The following KIAA1328 variants were observed in gnomAD, a reference collection of about 807,000 sequenced individuals.
KIAA1328 encodes KIAA1328, also known as protein hinderin.
In KIAA1328, 52 loss-of-function variants were observed where a neutral mutation model predicts 68.1. The observed-to-expected ratio is 0.76, with a 90% CI of 0.61 to 0.96. The LOEUF is 0.96. Ranked by LOEUF, KIAA1328 falls within the 40% of genes least tolerant of loss-of-function variation. The pLI is 0.00. For missense variants in KIAA1328, 641 were observed against 677.6 expected (o/e 0.95, Z 0.60); for synonymous variants, 232 against 239.4 (o/e 0.97, Z 0.28).
intron 7 of KIAA1328, among the ~76,000 whole-genome samples, chr18:37,135,609 G>A (rs990051049): frequency 6.6e-6 from 1 of 152,088 alleles, no homozygotes; most frequent in Non-Finnish European, 1.5e-5. Context: ...TGTATAGTTT[G>A]TGAATATATT....
chr18:37,115,188 A>G (rs1599323334), intron 7 of KIAA1328, among the ~76,000 whole-genome samples: 1 of 152,324 alleles, frequency 6.6e-6, no homozygotes. Context: ...TCCTGATACT[A>G]AAGCCGGGCA....
chr18:37,053,131 G>C (rs1324166904), intron 6 of KIAA1328, among the ~76,000 whole-genome samples: 1 of 152,102 alleles, frequency 6.6e-6, no homozygotes, highest in African/African-American at 2.4e-5. Flanking sequence ...CATGATACTA[G>C]TACAAAAATA....
chr18:37,144,000 G>T (rs749709059), intron 7 of KIAA1328, among the ~76,000 whole-genome samples: 2 of 152,066 alleles, frequency 1.3e-5, no homozygotes, highest in Non-Finnish European at 2.9e-5. Context: ...AGGATTGGCA[G>T]TATTTCTTTC....
chr18:37,061,034 G>A (rs1347772331), intron 6 of KIAA1328, among the ~76,000 whole-genome samples: 1 of 152,172 alleles, frequency 6.6e-6, no homozygotes, highest in Non-Finnish European at 1.5e-5. Flanking sequence ...AGAACCTCTT[G>A]AACCCAGGAG....
At chr18:37,171,792 T>C (rs1404567258) in intron 8 of KIAA1328, among the ~76,000 whole-genome samples, 1 of 152,040 alleles carries the variant, frequency 6.6e-6, no homozygotes, top group African/African-American at 2.4e-5. Flanking sequence ...ATTTGTAGTC[T>C]CAAATACTCA....
chr18:37,136,949 T>C (rs972344977), intron 7 of KIAA1328, among the ~76,000 whole-genome samples: 1 of 152,234 alleles, frequency 6.6e-6, no homozygotes, highest in Admixed American at 6.5e-5. Flanking sequence ...TTATTTAGTA[T>C]AGCTTCATCA....
chr18:36,912,632 C>T (rs757369312), intron 5 of KIAA1328, among the ~76,000 whole-genome samples: 2 of 152,168 alleles, frequency 1.3e-5, no homozygotes, highest in Non-Finnish European at 2.9e-5. Context: ...TATGTCTGTT[C>T]TACATGCAAA....
chr18:37,105,048 T>C (rs2057731218), intron 7 of KIAA1328, among the ~76,000 whole-genome samples: 2 of 152,234 alleles, frequency 1.3e-5, no homozygotes, highest in Non-Finnish European at 2.9e-5. Context: ...CCTTTTCGCC[T>C]AAAGAATTGC....
At chr18:36,973,923 A>G (rs1372298235) in intron 6 of KIAA1328, among the ~76,000 whole-genome samples, 2 of 152,132 alleles carry the variant, frequency 1.3e-5, no homozygotes, top group Non-Finnish European at 2.9e-5. Context: ...CTGAAGATAT[A>G]TACTTTCTAC....
chr18:37,133,716 AG>A (rs1199593777), intron 7 of KIAA1328, among the ~76,000 whole-genome samples: 4 of 151,740 alleles, frequency 2.6e-5, no homozygotes, highest in African/African-American at 9.7e-5. Flanking sequence ...TAGTAGAGAC[AG>A]GGTTTCACCG....
intron 9 of KIAA1328, among the ~76,000 whole-genome samples, chr18:37,187,672 A>G (rs1211502492): frequency 6.6e-6 from 1 of 152,206 alleles, no homozygotes; most frequent in Non-Finnish European, 1.5e-5. Flanking sequence ...TTTACTTTGA[A>G]TAAATAAAAG....
chr18:36,879,430 C>A (rs763501595), intron 4 of KIAA1328, among the ~76,000 whole-genome samples: 1 of 152,256 alleles, frequency 6.6e-6, no homozygotes, highest in South Asian at 2.1e-4. Context: ...AGATGCCAGT[C>A]GGAGCTCTCC....
chr18:37,055,866 AATT>A (rs1475434400), intron 6 of KIAA1328, among the ~76,000 whole-genome samples: 6 of 152,164 alleles, frequency 3.9e-5, no homozygotes, highest in Non-Finnish European at 7.3e-5. Context: ...CAGGATAGGA[AATT>A]ATTATTTATC....
intron 9 of KIAA1328, among the ~76,000 whole-genome samples, chr18:37,196,868 A>G (rs1375360787): frequency 6.6e-6 from 1 of 152,022 alleles, no homozygotes; most frequent in Non-Finnish European, 1.5e-5. Context: ...TCTTCTTTAA[A>G]TGTTTGGTAG....
At chr18:36,840,333 T>C (rs757650640) in intron 3 of KIAA1328, among the ~76,000 whole-genome samples, 1 of 152,196 alleles carries the variant, frequency 6.6e-6, no homozygotes, top group Non-Finnish European at 1.5e-5. Context: ...TGTTACTCCA[T>C]CTGGGCTAGA....
At chr18:37,032,644 T>G (rs2054876644) in intron 6 of KIAA1328, among the ~76,000 whole-genome samples, 1 of 151,950 alleles carries the variant, frequency 6.6e-6, no homozygotes. Flanking sequence ...TTTCATGATT[T>G]GTTTGTTTGT....
chr18:36,962,133 A>C (rs754088336), intron 6 of KIAA1328, among the ~76,000 whole-genome samples: 17 of 152,232 alleles, frequency 1.1e-4, no homozygotes, highest in Non-Finnish European at 2.2e-4. Flanking sequence ...TACCAAGCAA[A>C]TGGAAAACAA....
At chr18:37,185,483 T>C (rs2154216314) in intron 9 of KIAA1328, among the ~76,000 whole-genome samples, 1 of 152,266 alleles carries the variant, frequency 6.6e-6, no homozygotes, top group South Asian at 2.1e-4. Context: ...CATGACTGTG[T>C]ATTAATGTAG....
At chr18:37,111,876 C>T (rs975994049) in intron 7 of KIAA1328, among the ~76,000 whole-genome samples, 2 of 152,222 alleles carry the variant, frequency 1.3e-5, no homozygotes, top group Non-Finnish European at 2.9e-5. Context: ...GAGATTATAT[C>T]CCGTGCCTGG....
Sources: gnomAD v4.1 joint callset for allele counts (sites outside exome capture counted in the v4.1 genomes callset) on GRCh38, gnomAD v4.1.1 for gene constraint, MANE v1.5 for transcripts, NCBI Gene and HGNC (gene_info 2026-07-23, HGNC 2026-07-21) for gene names.